MUC4: variants seen among roughly 807,000 people sequenced by gnomAD.
MUC4 encodes the protein mucin 4, cell surface associated.
In MUC4, 202 loss-of-function variants were observed where a neutral mutation model predicts 257.9. The observed-to-expected ratio is 0.78, with a 90% confidence interval of 0.70 to 0.88. The LOEUF is 0.88. Among genes scored for constraint, MUC4 ranks in the 40% least tolerant of loss-of-function variants. MUC4 has a pLI of 0.00. For synonymous variants in MUC4, 2,351 were observed against 2,757.1 expected (o/e 0.85, Z 4.62); for missense variants, 5,976 against 6,513.7 (o/e 0.92, Z 2.84).
chr3:195,750,067 G>A (rs1489793577), intron 23 of MUC4: 1 of 152,268 alleles, frequency 6.6e-6, no homozygotes, highest in Non-Finnish European at 1.5e-5. Context: ...CTGGATTCTG[G>A]GAGAAGCTCT....
intron 7 of MUC4, among the ~76,000 whole-genome samples, chr3:195,767,230 G>A (rs1720706388): frequency 6.6e-6 from 1 of 152,134 alleles, no homozygotes; most frequent in African/African-American, 2.4e-5. Flanking sequence ...CTGATTCTTA[G>A]TTTTCACATC....
At chr3:195,751,323 G>A in intron 21 of MUC4, 52 bp from the exon 22 acceptor site, 2 of 1,384,764 alleles carry the variant, frequency 1.4e-6, no homozygotes, top group Non-Finnish European at 1.0e-6. Flanking sequence ...ATCCGGGGGG[G>A]AGACGCCCTC....
At position 195,782,259 on chromosome 3, in the gene MUC4, G is replaced by A. The variant is rs1265919348; in HGVS notation, c.9321C>T (p.Val3107=). 1.8e-5 allele frequency: 27 copies of A among 1,509,666 alleles called. No homozygotes were observed. Among genetic ancestry groups the A allele is most frequent in the Non-Finnish European group, 2.2e-5 (25 of 1,117,670 alleles). The allele number at this position is 1,509,666 out of a possible 1,614,324, so 93.5% of individuals were successfully genotyped here. Reference sequence around the variant, plus strand: ...CTGTGGATGCTGAGGAAGGGCTAGTGACAGGAAGAGGCGTGGTGTCACCTG... The same window carrying A: ...CTGTGGATGCTGAGGAAGGGCTAGTAACAGGAAGAGGCGTGGTGTCACCTG... ...VSTGDTTPLP[V]TSPSSASTGH... The change falls in exon 2 of 25, where the codon GTC becomes GTT. Residue 3107 remains valine (V), a synonymous_variant. Transcript: ENST00000463781.
In MUC4 at chr3:195,778,657, ACCT is replaced by A. The variant is rs769447430; in HGVS notation, c.12790+130_12790+132del. 71 of 1,270,048 alleles carry A rather than the reference ACCT, an allele frequency of 5.6e-5. No individual in the cohort carries two copies. In the East Asian group the frequency reaches 1.5e-3, roughly 27 times the overall value. 78.7% of individuals were successfully genotyped at this position (1,270,048 alleles called of 1,614,324 possible). A position where few individuals can be genotyped will look rare whatever the true frequency, so the allele number is the denominator to read the frequency against. On this transcript the variant is annotated intron_variant, in intron 2 of 24. Coordinates refer to ENST00000463781, the MANE Select transcript of MUC4 (RefSeq NM_018406.7). ...GAGCCTGTCACCCACCACACCCATC[ACCT>A]CCTCCCCTGTGGGACCTGACACGGC...
At chr3:195,752,317 T>C in intron 21 of MUC4, 56 bp downstream of exon 21, 1 of 1,452,066 alleles carries the variant, frequency 6.9e-7, no homozygotes, top group Non-Finnish European at 9.7e-7. Context: ...GGTTCCGCCC[T>C]GGCCTGAACC....
rs1727200804 is a variant in MUC4, at chr3:195,780,652, G to C, written c.10928C>G (p.Thr3643Arg). The C allele has an allele frequency of 1.3e-6, 2 of 1,517,576 alleles. No individual in the cohort carries two copies. The highest frequency in any genetic ancestry group is 1.8e-6 in the Non-Finnish European group (2 of 1,138,748). 94.0% of individuals were successfully genotyped at this position (1,517,576 alleles called of 1,614,324 possible). The part of the protein sequence containing the change: ...LPVTSLSSVS[T>R]GDTTPLLVTD... ...GACAAGAAGAGGGGTGGTGTCACCT[G>C]TGGATACTGAGGAAAGGCTGGTGAC... Residue 3643 changes from threonine (T) to arginine (R), a missense_variant, in exon 2 of 25, where the codon ACA (threonine) becomes AGA (arginine). By Grantham distance (71) the Thr-to-Arg change is moderately conservative. Around this residue, in one of 44 missense-constraint regions of MUC4, gnomAD observed 59 missense variants for 149.8 expected, o/e 0.39. Transcript: ENST00000463781.
Position 195,750,927 on chromosome 3 carries a change from T to C in MUC4, c.15833A>G (p.Gln5278Arg). 6.2e-7 allele frequency: 1 copy of C among 1,614,036 alleles called. No homozygotes were observed. Among genetic ancestry groups the C allele is most frequent in the African/African-American group, 1.3e-5 (1 of 75,028 alleles). ...GCGCACGTCTTCCCCGGAGATGGGC[T>C]GGAAGACCACGTCGTTCCTGGGCTC... ...SEEPRNDVVF[Q>R]PISGEDVRDV... is the part of the protein sequence containing the mutation. Residue 5278 changes from glutamine to arginine, a missense_variant, in exon 23 of 25, where the codon CAG (glutamine) becomes CGG (arginine). Gln to Arg is a conservative substitution (Grantham distance 43, BLOSUM62 1). Transcript: ENST00000463781.
rs762458161 is a variant in MUC4 at position 195,761,097 on chromosome 3, G to C, written c.14635C>G (p.Leu4879Val). 1.6e-4 allele frequency: 266 copies of C among 1,614,068 alleles called. 3 individuals carry two copies. In the Admixed American group the frequency reaches 4.4e-3, roughly 26 times the overall value. Residue 4879 changes from leucine (L) to valine (V), a missense_variant, in exon 16 of 25, where the codon CTC becomes GTC. Coordinates refer to ENST00000463781, the MANE Select transcript of MUC4 (RefSeq NM_018406.7). ...AGCTGGTCATTCCTCTTGCCAAGGA[G>C]GCCTGTCCCGTTGATCTGCCCTGTA... ...GMTWQINGTGLLGKRNDQLPS... is the reference protein window; with the variant it reads ...GMTWQINGTGVLGKRNDQLPS...
chr3:195,780,181 G>A lies in MUC4; in HGVS notation c.11399C>T (p.Ser3800Leu), dbSNP rs1335662269. Reference protein sequence around the residue: ...TTPLPVTDTSSASTGQATPLP... With the variant: ...TTPLPVTDTSLASTGQATPLP... ...AGGGGTGGCCTGACCTGTGGATGCT[G>A]AGGAAGTGTCGGTGACAGGAAGAGG... Residue 3800 changes from serine (S) to leucine (L), a missense_variant, in exon 2 of 25, where the codon TCA becomes TTA. Physicochemically the swap from Ser to Leu is moderately radical, Grantham distance 145. Coordinates refer to ENST00000463781, the MANE Select transcript of MUC4 (RefSeq NM_018406.7). 3.3e-6 allele frequency: 5 copies of A among 1,499,100 alleles called. No homozygotes were observed. Among genetic ancestry groups the A allele is most frequent in the Non-Finnish European group, 2.7e-6 (3 of 1,104,862 alleles). 92.9% of individuals were successfully genotyped at this position (1,499,100 alleles called of 1,614,324 possible).
chr3:195,764,826 C>T (rs2148817269), intron 10 of MUC4, among the ~76,000 whole-genome samples, 171 bp downstream of exon 10: 1 of 152,282 alleles, frequency 6.6e-6, no homozygotes, highest in Admixed American at 6.5e-5. Context: ...TCAGCTCATA[C>T]ATCCCCGAAT....
In MUC4 at chr3:195,754,112, T is replaced by C. The variant is rs554804234; in HGVS notation, c.15328+101A>G. On this transcript the variant is annotated intron_variant, in intron 19 of 24. Transcript: ENST00000463781. ...GCCTAGATTGAGCATTCTAAAGATC[T>C]GCTGGAAAAAGGAGAGAAATGGTTT... The C allele has an allele frequency of 1.8e-4, 251 of 1,425,600 alleles. No individual in the cohort carries two copies. The African/African-American group carries it at 3.2e-3, about 18-fold the overall frequency. 88.3% of individuals were successfully genotyped at this position (1,425,600 alleles called of 1,614,324 possible).
intron 1 of MUC4, among the ~76,000 whole-genome samples, chr3:195,794,855 G>A (rs1429222002): frequency 6.6e-6 from 1 of 152,168 alleles, no homozygotes; most frequent in Non-Finnish European, 1.5e-5. Flanking sequence ...TTAAAAAAGT[G>A]ACTCACGTGC....
In MUC4 at chr3:195,778,701, G is replaced by A. The variant is rs1048461526; in HGVS notation, c.12790+89C>T. The A allele has an allele frequency of 8.5e-6, 12 of 1,415,568 alleles. No homozygotes were observed. The African/African-American group carries it at 1.0e-4, about 12-fold the overall frequency. 87.7% of individuals were successfully genotyped at this position (1,415,568 alleles called of 1,614,324 possible). A position where few individuals can be genotyped will look rare whatever the true frequency, so the allele number is the denominator to read the frequency against. ...CTGACACGGCCCCACCAGGTAATGCGAATGCACCAGTGTTCTCAGGTACTC... is the reference window on the plus strand; with the variant it reads ...CTGACACGGCCCCACCAGGTAATGCAAATGCACCAGTGTTCTCAGGTACTC... On this transcript the variant is annotated intron_variant, in intron 2 of 24. Transcript: ENST00000463781.
Position 195,778,501 on chromosome 3 carries a change from A to C in MUC4, c.12791-46T>G, listed in dbSNP as rs778646433. On this transcript the variant is annotated intron_variant, in intron 2 of 24. Coordinates refer to ENST00000463781, the MANE Select transcript of MUC4 (RefSeq NM_018406.7). Reference sequence around the variant, plus strand: ...GGCGGGGTGTTTCTTACAGTAACAAAACAGGAGAGTCAAAGAGATTCAAAG... The same window carrying C: ...GGCGGGGTGTTTCTTACAGTAACAACACAGGAGAGTCAAAGAGATTCAAAG... 2.5e-6 allele frequency: 4 copies of C among 1,597,992 alleles called. No homozygotes were observed. In the East Asian group the frequency reaches 8.9e-5, roughly 36 times the overall value.
chr3:195,803,434 T>C (rs530384868), intron 1 of MUC4, among the ~76,000 whole-genome samples: 6 of 152,380 alleles, frequency 3.9e-5, no homozygotes, highest in Admixed American at 1.3e-4. Context: ...CCGTTTAATA[T>C]AATATAAACT....
chr3:195,762,217 G>A lies in MUC4; in HGVS notation c.14382C>T (p.Ser4794=). The part of the protein sequence containing the change: ...ETFNATGVLL[S]RNGSEVSASF... ...TGGCCGAGACCTCAGAGCCGTTGCGGCTCAGGAGGACTCCGGTGGCGTTGA... is the reference window on the plus strand; with the variant it reads ...TGGCCGAGACCTCAGAGCCGTTGCGACTCAGGAGGACTCCGGTGGCGTTGA... The change falls in exon 14 of 25, where the codon AGC becomes AGT. Residue 4794 remains serine (S), a synonymous_variant. Transcript: ENST00000463781. 6.3e-7 allele frequency: 1 copy of A among 1,594,966 alleles called. No individual in the cohort carries two copies. The highest frequency in any genetic ancestry group is 1.1e-5 in the South Asian group (1 of 87,756).
chr3:195,767,125 T>C (rs1720683910), intron 7 of MUC4, among the ~76,000 whole-genome samples: 1 of 152,096 alleles, frequency 6.6e-6, no homozygotes, highest in Non-Finnish European at 1.5e-5. Context: ...ATTGTGATGG[T>C]TAAGACCCAG....
rs1202061823 is a variant in MUC4 at position 195,785,668 on chromosome 3, A to C, written c.5912T>G (p.Val1971Gly). Reference protein sequence around the residue: ...VPTGHATSLPVTDASSVSTGH... With the variant: ...VPTGHATSLPGTDASSVSTGH... Reference sequence around the variant, plus strand: ...TGTGGACACTGAGGAAGCGTCGGTGACAGGAAGAGAGGTGGCGTGACCTGT... The same window carrying C: ...TGTGGACACTGAGGAAGCGTCGGTGCCAGGAAGAGAGGTGGCGTGACCTGT... Residue 1971 changes from valine (V) to glycine (G), a missense_variant, in exon 2 of 25, where the codon GTC becomes GGC. Physicochemically the swap from Val to Gly is moderately radical, Grantham distance 109 (BLOSUM62 -3). Around this residue, in one of 44 missense-constraint regions of MUC4, gnomAD observed 87 missense variants for 104.6 expected, o/e 0.83. Transcript: ENST00000463781. The C allele has an allele frequency of 6.6e-7, 1 of 1,511,792 alleles. No individual in the cohort carries two copies. Among genetic ancestry groups the C allele is most frequent in the African/African-American group, 1.4e-5 (1 of 71,620 alleles). 93.6% of individuals were successfully genotyped at this position (1,511,792 alleles called of 1,614,324 possible).
Position 195,788,742 on chromosome 3 carries a change from C to T in MUC4, c.2838G>A (p.Gly946=). The T allele has an allele frequency of 1.2e-6, 2 of 1,609,740 alleles. No individual in the cohort carries two copies. The highest frequency in any genetic ancestry group is 1.7e-5 in the Admixed American group (1 of 59,570). Residue 946 remains glycine (G), a synonymous_variant, in exon 2 of 25, where the codon GGG becomes GGA. Transcript: ENST00000463781. ...GGGTCTCGGTTTGTGGAGATGTAAG[C>T]CCAGTGGATGTGATCGATGGAGGTG... is the stretch of plus-strand genomic sequence containing the variant. ...PPTPPSITST[G]LTSPQTETHT... is the part of the protein sequence containing the mutation.
Sources: gnomAD v4.1 joint callset for allele counts (sites outside exome capture counted in the v4.1 genomes callset) on GRCh38, gnomAD v4.1.1 for gene constraint, gnomAD v4.1.1 regional missense constraint, MANE v1.5 for transcripts, NCBI Gene and HGNC (gene_info 2026-07-23, HGNC 2026-07-21) for gene names.